AGK: variants seen among roughly 807,000 people sequenced by gnomAD.
AGK encodes the protein acylglycerol kinase.
A neutral mutation model predicts 66.4 loss-of-function variants in AGK; 52 were observed. The observed-to-expected ratio is 0.78, with a 90% CI of 0.63 to 0.99. The LOEUF (loss-of-function observed/expected upper bound fraction) is 0.99, where lower values mean the gene tolerates loss of function less well. AGK is among the 50% of genes least tolerant of loss of function. The probability of loss-of-function intolerance (pLI) is 0.00; values close to 1 mark genes in which losing one functional copy is unlikely to be tolerated. For synonymous variants in AGK, 182 were observed against 181.1 expected (o/e 1.00, Z -0.04); for missense variants, 451 against 506.6 (o/e 0.89, Z 1.05).
At chr7:141,601,685 T>G (rs1454124177) in intron 5 of AGK, among the ~76,000 whole-genome samples, 1 of 152,222 alleles carries the variant, frequency 6.6e-6, no homozygotes, top group Non-Finnish European at 1.5e-5. Flanking sequence ...TGAAGAATTT[T>G]AAATGGTAAA....
intron 5 of AGK, among the ~76,000 whole-genome samples, chr7:141,604,374 G>GTATGTATATATATATATA (rs1554400831): frequency 8.8e-6 from 1 of 113,826 alleles, no homozygotes; most frequent in Admixed American, 9.1e-5. Context: ...GTGTGTGTGT[G>GTATGTATATATATATATA]TATATATATA....
intron 9 of AGK, among the ~76,000 whole-genome samples, chr7:141,629,569 T>C (rs1797011383): frequency 6.6e-6 from 1 of 152,082 alleles, no homozygotes; most frequent in African/African-American, 2.4e-5. Flanking sequence ...CCATGACTGG[T>C]CCTCAGGGCT....
intron 2 of AGK, among the ~76,000 whole-genome samples, chr7:141,585,133 T>TA (rs1333146728): frequency 1.3e-5 from 2 of 152,246 alleles, no homozygotes; most frequent in Non-Finnish European, 2.9e-5. Flanking sequence ...TCTGACCTGT[T>TA]ACACTGCATA....
intron 11 of AGK, among the ~76,000 whole-genome samples, chr7:141,638,978 C>T (rs1020746470): frequency 2.6e-5 from 4 of 151,942 alleles, no homozygotes; most frequent in Admixed American, 1.3e-4. Flanking sequence ...GTACAGATGG[C>T]CAGGAATATC....
At chr7:141,609,245 C>T (rs116555570) in intron 5 of AGK, among the ~76,000 whole-genome samples, 1,717 of 152,190 alleles carry the variant, frequency 0.011, 25 homozygotes, top group African/African-American at 0.039. Flanking sequence ...CTGATACCAA[C>T]GCCTGGAGTT....
intron 9 of AGK, among the ~76,000 whole-genome samples, chr7:141,630,919 C>T (rs1376857457): frequency 2.6e-5 from 4 of 152,130 alleles, no homozygotes; most frequent in Admixed American, 1.3e-4. Flanking sequence ...GTAAGTGCTT[C>T]GAGGCAGAGA....
chr7:141,587,903 G>A (rs1209101754), intron 2 of AGK, among the ~76,000 whole-genome samples: 3 of 152,172 alleles, frequency 2.0e-5, no homozygotes, highest in Admixed American at 1.3e-4. Context: ...CAAGAAACAT[G>A]TTTTACTATG....
Position 141,593,174 on chromosome 7 carries a change from C to T in AGK, c.130C>T (p.Gln44Ter). The change falls in exon 3 of 16, where the codon CAA becomes TAA. Residue 44 changes from glutamine (Q) to a stop codon, truncating the protein, a stop_gained. Transcript: ENST00000649286. LOFTEE classifies it high-confidence loss of function. ...CDNLLRRAACQEAQVFGNQLI... is the reference protein window; with the variant it reads ...CDNLLRRAAC ...TAACCTCCTAAGGAGAGCAGCCTGTCAAGAAGCTCAGGTAATACTACTTAA... is the reference window on the plus strand; with the variant it reads ...TAACCTCCTAAGGAGAGCAGCCTGTTAAGAAGCTCAGGTAATACTACTTAA... 1 of 1,612,200 alleles carries T rather than the reference C, an allele frequency of 6.2e-7. No individual in the cohort carries two copies. Among genetic ancestry groups the T allele is most frequent in the Non-Finnish European group, 8.5e-7 (1 of 1,179,554 alleles).
chr7:141,558,181 G>A lies in AGK; in HGVS notation c.101+2614G>A, dbSNP rs541111781. 3.2e-3 allele frequency among the ~76,000 whole-genome samples: 483 copies of A among 150,298 alleles called. 3 individuals are homozygous for A. The highest frequency in any genetic ancestry group is 0.011 in the African/African-American group (461 of 40,848). ...TTACCTTTTCTTTTTTTTTTGAGACGGAGTCCTGCTCTGTCACCTAGGCTA... is the reference window on the plus strand; with the variant it reads ...TTACCTTTTCTTTTTTTTTTGAGACAGAGTCCTGCTCTGTCACCTAGGCTA... On this transcript the variant is annotated intron_variant, in intron 2 of 15. Transcript: ENST00000649286.
chr7:141,563,141 A>C (rs1795388386), intron 2 of AGK, among the ~76,000 whole-genome samples: 1 of 152,168 alleles, frequency 6.6e-6, no homozygotes, highest in African/African-American at 2.4e-5. Context: ...GAATTCTTTC[A>C]GTTTTCCTGG....
At chr7:141,576,029 A>T (rs532972683) in intron 2 of AGK, among the ~76,000 whole-genome samples, 3 of 152,148 alleles carry the variant, frequency 2.0e-5, no homozygotes, top group South Asian at 4.2e-4. Flanking sequence ...TCTTTCCTTA[A>T]TGCTTCCCCA....
At chr7:141,634,364 C>T (rs568226788) in intron 10 of AGK, among the ~76,000 whole-genome samples, 19 of 152,198 alleles carry the variant, frequency 1.2e-4, no homozygotes, top group Non-Finnish European at 2.8e-4. Context: ...CCTTACGGAG[C>T]TGTTGCAGTC....
At chr7:141,604,393 T>TATATATAC (rs1475575925) in intron 5 of AGK, among the ~76,000 whole-genome samples, 1 of 144,904 alleles carries the variant, frequency 6.9e-6, no homozygotes, top group Non-Finnish European at 1.5e-5. Context: ...TATATATATA[T>TATATATAC]ATATATATAT....
intron 3 of AGK, chr7:141,594,163 A>G (rs1352162302): frequency 6.6e-6 from 1 of 152,158 alleles, no homozygotes; most frequent in Admixed American, 6.5e-5. Context: ...TGTTTTGGAA[A>G]TCAATTCAAA....
At chr7:141,632,314 T>G (rs1797076927) in intron 9 of AGK, among the ~76,000 whole-genome samples, 1 of 152,030 alleles carries the variant, frequency 6.6e-6, no homozygotes, top group Non-Finnish European at 1.5e-5. Context: ...TTCATCCCAC[T>G]CTCTCTGCTT....
chr7:141,588,756 C>G (rs1052287466), intron 2 of AGK, among the ~76,000 whole-genome samples: 8 of 152,094 alleles, frequency 5.3e-5, no homozygotes, highest in African/African-American at 1.9e-4. Flanking sequence ...TGAGTTTTTT[C>G]AGAAAGGGAT....
At chr7:141,584,311 G>A (rs545119191) in intron 2 of AGK, among the ~76,000 whole-genome samples, 1 of 152,238 alleles carries the variant, frequency 6.6e-6, no homozygotes, top group East Asian at 1.9e-4. Context: ...ACAAGGTAAT[G>A]TCATCAGTTA....
At chr7:141,586,751 G>C (rs1250686583) in intron 2 of AGK, among the ~76,000 whole-genome samples, 1 of 152,154 alleles carries the variant, frequency 6.6e-6, no homozygotes, top group Non-Finnish European at 1.5e-5. Flanking sequence ...GCAGCATCAA[G>C]GGGGAATGGT....
chr7:141,646,180 G>A (rs1222083019), intron 13 of AGK, among the ~76,000 whole-genome samples: 1 of 152,120 alleles, frequency 6.6e-6, no homozygotes, highest in Admixed American at 6.5e-5. Context: ...CCATGGAGAG[G>A]AGAGCCGCAC....
Sources: allele counts gnomAD v4.1 joint callset (sites outside exome capture counted in the v4.1 genomes callset), GRCh38; gene constraint gnomAD v4.1.1; transcripts MANE v1.5; gene names NCBI Gene and HGNC (gene_info 2026-07-23, HGNC 2026-07-21).